ST6GALNAC3: variants seen among roughly 807,000 people sequenced by gnomAD.
The protein encoded by ST6GALNAC3 is ST6 N-acetylgalactosaminide alpha-2,6-sialyltransferase 3.
Under a neutral mutation model 32.7 loss-of-function variants are expected in ST6GALNAC3, and 25 were observed. The observed-to-expected ratio is 0.76, with a 90% CI of 0.56 to 1.07. The LOEUF (loss-of-function observed/expected upper bound fraction) is 1.07, where lower values mean the gene tolerates loss of function less well. Ranked by LOEUF, ST6GALNAC3 falls within the 50% of genes least tolerant of loss-of-function variation. The probability of loss-of-function intolerance (pLI) is 0.00; values close to 1 mark genes in which losing one functional copy is unlikely to be tolerated. For synonymous variants in ST6GALNAC3, 129 were observed against 133.1 expected, an observed-to-expected ratio of 0.97 and a Z score of 0.21; for missense variants, 355 against 382.4, an observed-to-expected ratio of 0.93 and a Z score of 0.60.
chr1:76,524,355 T>C (rs1359687779), intron 3 of ST6GALNAC3, among the ~76,000 whole-genome samples: 2 of 152,176 alleles, frequency 1.3e-5, no homozygotes, highest in Non-Finnish European at 2.9e-5. Context: ...ATTTTGAACC[T>C]TCTGCCTGTA....
intron 3 of ST6GALNAC3, among the ~76,000 whole-genome samples, chr1:76,521,270 C>CAT (rs766476540): frequency 9.3e-5 from 14 of 149,764 alleles, no homozygotes; most frequent in Non-Finnish European, 4.4e-5. Flanking sequence ...TATTTTGTGC[C>CAT]ATATATATAC....
chr1:76,267,768 A>C (rs755886885), intron 1 of ST6GALNAC3, among the ~76,000 whole-genome samples: 1 of 152,232 alleles, frequency 6.6e-6, no homozygotes, highest in Non-Finnish European at 1.5e-5. Flanking sequence ...CTCTTTGTGA[A>C]TGGAAAGCAG....
At chr1:76,491,741 A>G (rs962293562) in intron 3 of ST6GALNAC3, among the ~76,000 whole-genome samples, 2 of 152,186 alleles carry the variant, frequency 1.3e-5, no homozygotes, top group African/African-American at 2.4e-5. Flanking sequence ...AATCTCTTTC[A>G]CTAGTAGAAG....
At chr1:76,526,923 GTCTTAA>G (rs1386849235) in intron 3 of ST6GALNAC3, among the ~76,000 whole-genome samples, 2 of 151,980 alleles carry the variant, frequency 1.3e-5, no homozygotes, top group African/African-American at 4.8e-5. Flanking sequence ...GTTAATTCCA[GTCTTAA>G]TCTTAATACT....
chr1:76,582,867 T>C (rs1646910908), intron 3 of ST6GALNAC3, among the ~76,000 whole-genome samples: 1 of 152,144 alleles, frequency 6.6e-6, no homozygotes, highest in Non-Finnish European at 1.5e-5. Context: ...TCTCTCATCA[T>C]GTGGTTATCT....
At chr1:76,389,493 T>C (rs1385709340) in intron 2 of ST6GALNAC3, among the ~76,000 whole-genome samples, 1 of 152,220 alleles carries the variant, frequency 6.6e-6, no homozygotes, top group African/African-American at 2.4e-5. Flanking sequence ...GAGAGCAGTG[T>C]CTTGCTTTGT....
intron 2 of ST6GALNAC3, among the ~76,000 whole-genome samples, chr1:76,407,042 C>T (rs1347524983): frequency 6.6e-6 from 1 of 152,064 alleles, no homozygotes; most frequent in African/African-American, 2.4e-5. Context: ...CCCTTCCTCT[C>T]TCTCTCACCT....
At chr1:76,525,311 A>AGAT (rs1662796744) in intron 3 of ST6GALNAC3, among the ~76,000 whole-genome samples, 2 of 152,166 alleles carry the variant, frequency 1.3e-5, no homozygotes, top group Non-Finnish European at 2.9e-5. Context: ...AAATAAAAAT[A>AGAT]GATAAGACTA....
At chr1:76,379,944 G>C (rs1368944230) in intron 2 of ST6GALNAC3, among the ~76,000 whole-genome samples, 1 of 152,208 alleles carries the variant, frequency 6.6e-6, no homozygotes, top group Non-Finnish European at 1.5e-5. Flanking sequence ...GGAGGATATG[G>C]AGGTTACCTG....
chr1:76,261,898 C>G (rs1658260141), intron 1 of ST6GALNAC3, among the ~76,000 whole-genome samples: 1 of 152,174 alleles, frequency 6.6e-6, no homozygotes. Flanking sequence ...TTCTAACAGT[C>G]ACTAAACCAC....
chr1:76,243,887 C>T (rs908766303), intron 1 of ST6GALNAC3, among the ~76,000 whole-genome samples: 2 of 152,154 alleles, frequency 1.3e-5, no homozygotes, highest in Non-Finnish European at 2.9e-5. Context: ...AGCATGATGC[C>T]TCCAGCTTTG....
chr1:76,108,861 AGT>A (rs10528375), intron 1 of ST6GALNAC3, among the ~76,000 whole-genome samples: 2,629 of 149,824 alleles, frequency 0.018, 32 homozygotes, highest in Middle Eastern at 0.065. Flanking sequence ...CTGTAGACAT[AGT>A]GTGTGTGTGT....
intron 1 of ST6GALNAC3, among the ~76,000 whole-genome samples, chr1:76,101,104 C>T (rs532650038): frequency 1.3e-5 from 2 of 152,184 alleles, no homozygotes; most frequent in African/African-American, 2.4e-5. Flanking sequence ...ATATATCCAC[C>T]ATTGTGTCAC....
chr1:76,106,962 T>C (rs141000281), intron 1 of ST6GALNAC3, among the ~76,000 whole-genome samples: 166 of 152,346 alleles, frequency 1.1e-3, no homozygotes, highest in African/African-American at 3.8e-3. Context: ...AAATTCTTCC[T>C]ATCTTGCTGA....
At chr1:76,259,720 G>C (rs1658118165) in intron 1 of ST6GALNAC3, among the ~76,000 whole-genome samples, 1 of 152,144 alleles carries the variant, frequency 6.6e-6, no homozygotes, top group Admixed American at 6.5e-5. Flanking sequence ...ATAAATGCTA[G>C]TGCTGAGTAC....
At chr1:76,291,145 TC>T (rs1185648166) in intron 1 of ST6GALNAC3, among the ~76,000 whole-genome samples, 1 of 152,226 alleles carries the variant, frequency 6.6e-6, no homozygotes, top group Non-Finnish European at 1.5e-5. Flanking sequence ...ATAAAGTGGT[TC>T]CTGGGGCCTA....
intron 3 of ST6GALNAC3, among the ~76,000 whole-genome samples, chr1:76,503,018 A>T (rs1477481275): frequency 1.3e-5 from 2 of 152,204 alleles, no homozygotes; most frequent in East Asian, 3.8e-4. Flanking sequence ...ATCTCAGTGT[A>T]GGTAAGGTTG....
intron 1 of ST6GALNAC3, among the ~76,000 whole-genome samples, chr1:76,270,507 CAAAAAAAAAA>C (rs34410935): frequency 6.2e-5 from 4 of 64,124 alleles, no homozygotes; most frequent in East Asian, 1.1e-3. Flanking sequence ...AACTCTGTCT[CAAAAAAAAAA>C]AAAAAAAAAA....
intron 3 of ST6GALNAC3, among the ~76,000 whole-genome samples, chr1:76,494,182 C>G (rs1245354488): frequency 1.3e-5 from 2 of 151,684 alleles, no homozygotes; most frequent in East Asian, 3.9e-4. Context: ...AATGGTATCT[C>G]GACCACATCC....
Sources: gnomAD v4.1 joint callset for allele counts (sites outside exome capture counted in the v4.1 genomes callset) on GRCh38, gnomAD v4.1.1 for gene constraint, MANE v1.5 for transcripts, NCBI Gene and HGNC (gene_info 2026-07-23, HGNC 2026-07-21) for gene names.